The following KIF25 variants were observed in gnomAD, a reference collection of about 807,000 sequenced individuals.
KIF25 encodes the protein kinesin-like protein KIF25.
Under a neutral mutation model 32.9 loss-of-function variants are expected in KIF25, and 19 were observed. That is an observed-to-expected ratio of 0.58 (90% CI 0.40 to 0.85). KIF25 has a LOEUF of 0.85. KIF25 is among the 40% of genes least tolerant of loss of function. KIF25 has a pLI of 0.00. For synonymous variants in KIF25, 225 were observed against 213.7 expected (o/e 1.05, Z -0.46); for missense variants, 485 against 507.0 (o/e 0.96, Z 0.42).
chr6:168,017,030 G>A (rs1301543419), intron 4 of KIF25, among the ~76,000 whole-genome samples: 2 of 152,260 alleles, frequency 1.3e-5, no homozygotes, highest in African/African-American at 4.8e-5. Context: ...TTTCACATCG[G>A]AGACCTCACA....
chr6:168,042,783 C>G (rs1799146914), intron 12 of KIF25, 67 bp downstream of exon 12: 3 of 1,521,692 alleles, frequency 2.0e-6, no homozygotes, highest in Non-Finnish European at 2.6e-6. Context: ...GCACACACTT[C>G]TGGCCTGCAC....
chr6:168,001,986 A>G (rs28407929), intron 2 of KIF25, among the ~76,000 whole-genome samples: 3 of 124,874 alleles, frequency 2.4e-5, no homozygotes, highest in Non-Finnish European at 3.4e-5. Context: ...CTTCAGGCGT[A>G]GCCTCAGGCA....
rs776156234 is a variant in KIF25, at chr6:168,044,832, G to A, written c.991G>A (p.Asp331Asn). 2.5e-6 allele frequency: 4 copies of A among 1,583,238 alleles called. No individual in the cohort carries two copies. The highest frequency in any genetic ancestry group is 4.5e-5 in the East Asian group (2 of 44,076). ...THLLQDCLGG[D>N]AKLLVILCIS... ...GTTGTTTTTCTATTTTAAAGGAGGC[G>A]ATGCGAAGTTACTGGTGATTCTCTG... The change falls in exon 13 of 13, where the codon GAT becomes AAT. Residue 331 changes from aspartate to asparagine, a missense_variant. Coordinates refer to ENST00000643607, the MANE Select transcript of KIF25 (RefSeq NM_030615.4).
intron 7 of KIF25, among the ~76,000 whole-genome samples, chr6:168,033,563 G>A (rs1562389708): frequency 6.6e-6 from 1 of 151,868 alleles, no homozygotes; most frequent in Non-Finnish European, 1.5e-5. Context: ...GCCTTGCTAA[G>A]GTCAGAATCC....
At chr6:168,026,769 AG>A (rs1168271985) in intron 5 of KIF25, among the ~76,000 whole-genome samples, 1 of 152,238 alleles carries the variant, frequency 6.6e-6, no homozygotes, top group Non-Finnish European at 1.5e-5. Flanking sequence ...CCAAAATGCA[AG>A]GAGAAAAAGA....
rs961890150 is a variant in KIF25 at position 167,998,041 on chromosome 6, C to G, written c.-1428C>G. Among the ~76,000 whole-genome samples, 2 of 152,224 alleles carry G rather than the reference C, an allele frequency of 1.3e-5. No homozygotes were observed. Among genetic ancestry groups the G allele is most frequent in the East Asian group, 3.9e-4 (2 of 5,184 alleles). ...TCCTGTGTACCAAGTACTTTTGAAA[C>G]CATTTGGTGTATTTTCTTATTTAAT... On this transcript the variant is annotated 5_prime_UTR_variant, in exon 1 of 13. Transcript: ENST00000643607.
chr6:168,008,571 T>G (rs1266670070), intron 4 of KIF25, among the ~76,000 whole-genome samples: 1 of 152,192 alleles, frequency 6.6e-6, no homozygotes, highest in African/African-American at 2.4e-5. Context: ...CTTTTGTGGT[T>G]CCATACAAAT....
intron 5 of KIF25, among the ~76,000 whole-genome samples, chr6:168,019,786 C>T (rs761007333): frequency 9.9e-5 from 15 of 152,180 alleles, no homozygotes; most frequent in South Asian, 4.1e-4. Context: ...CCAAATACAG[C>T]GGGAGTTGCA....
chr6:168,042,805 C>T, intron 12 of KIF25, 89 bp downstream of exon 12: 8 of 1,438,894 alleles, frequency 5.6e-6, no homozygotes, highest in Non-Finnish European at 6.6e-6. Context: ...TCCTCGAGGG[C>T]CACCCATGCA....
chr6:168,013,126 T>G (rs1798669561), intron 4 of KIF25, among the ~76,000 whole-genome samples: 1 of 151,806 alleles, frequency 6.6e-6, no homozygotes, highest in African/African-American at 2.4e-5. Flanking sequence ...TGGGGTACTG[T>G]GGGGCTGTTT....
At chr6:168,035,750 G>A in intron 8 of KIF25, 1 of 456,262 alleles carries the variant, frequency 2.2e-6, no homozygotes, top group Non-Finnish European at 4.4e-6. Flanking sequence ...AGGGCACAGT[G>A]ATTTGCGGCA....
At chr6:168,006,751 G>T (rs1333702099) in intron 4 of KIF25, among the ~76,000 whole-genome samples, 1 of 142,194 alleles carries the variant, frequency 7.0e-6, no homozygotes, top group East Asian at 1.9e-4. Context: ...AGATGATTTT[G>T]TGTCACGTTG....
intron 5 of KIF25, among the ~76,000 whole-genome samples, chr6:168,028,493 G>C (rs932666072): frequency 2.0e-5 from 3 of 152,230 alleles, no homozygotes; most frequent in Admixed American, 1.3e-4. Flanking sequence ...GTCATAGATA[G>C]AGTCTCAGAG....
intron 5 of KIF25, among the ~76,000 whole-genome samples, chr6:168,024,169 TA>T: frequency 6.6e-6 from 1 of 152,082 alleles, no homozygotes; most frequent in Non-Finnish European, 1.5e-5. Context: ...GTCTGTGCAC[TA>T]AAAACAGTAT....
At chr6:168,015,448 G>A (rs1798700526) in intron 4 of KIF25, among the ~76,000 whole-genome samples, 1 of 152,218 alleles carries the variant, frequency 6.6e-6, no homozygotes. Flanking sequence ...AAGGAAAACA[G>A]TTTTTACTGA....
chr6:168,000,051 C>G (rs1438808318), intron 2 of KIF25, among the ~76,000 whole-genome samples: 1 of 110,454 alleles, frequency 9.1e-6, no homozygotes. Context: ...ACCCTCCCCA[C>G]TCCCATCCTG....
Position 168,024,423 on chromosome 6 carries a change from C to CTTTT in KIF25, c.-94-5042_-94-5039dup, listed in dbSNP as rs56243912. ...GAATAATCTTAGTAAAAACCTCTCT[C>CTTTT]TTTTTTTTTTTTTTTTTTTTTTTTT... On this transcript the variant is annotated intron_variant, in intron 5 of 12. Coordinates refer to ENST00000643607, the MANE Select transcript of KIF25 (RefSeq NM_030615.4). Among the ~76,000 whole-genome samples the CTTTT allele has an allele frequency of 7.7e-3, 480 of 61,992 alleles. 46 individuals carry two copies. The highest frequency in any genetic ancestry group is 0.026 in the Middle Eastern group (2 of 76). The allele number at this position is 61,992 out of a possible 152,430, so 40.7% of individuals were successfully genotyped here.
chr6:168,014,998 G>A (rs895151223), intron 4 of KIF25, among the ~76,000 whole-genome samples: 1 of 152,216 alleles, frequency 6.6e-6, no homozygotes, highest in Non-Finnish European at 1.5e-5. Context: ...CCAATGTAAA[G>A]CATATTTTTC....
At chr6:168,041,238 C>T (rs1010324100) in intron 10 of KIF25, among the ~76,000 whole-genome samples, 5 of 152,226 alleles carry the variant, frequency 3.3e-5, no homozygotes, top group African/African-American at 9.6e-5. Flanking sequence ...ATTTGGCCTC[C>T]AAGGTTGCTC....
Sources: allele counts gnomAD v4.1 joint callset (sites outside exome capture counted in the v4.1 genomes callset), GRCh38; gene constraint gnomAD v4.1.1; transcripts MANE v1.5; gene names NCBI Gene and HGNC (gene_info 2026-07-23, HGNC 2026-07-21).